Variants in CALN1 observed in about 807,000 individuals in gnomAD.
The protein encoded by CALN1 is calneuron 1, also known as calcium-binding protein 8.
CALN1 carries 17 observed loss-of-function variants against 30.6 expected under a neutral mutation model. The observed-to-expected ratio is 0.56, with a 90% confidence interval of 0.38 to 0.83. The LOEUF (loss-of-function observed/expected upper bound fraction) is 0.83, where lower values mean the gene tolerates loss of function less well. Among genes scored for constraint, CALN1 ranks in the 40% least tolerant of loss-of-function variants. The probability of loss-of-function intolerance (pLI) is 0.00; values close to 1 mark genes in which losing one functional copy is unlikely to be tolerated. For synonymous variants in CALN1, 156 were observed against 131.4 expected (o/e 1.19, Z -1.28); for missense variants, 291 against 354.9 (o/e 0.82, Z 1.45).
intron 1 of CALN1, among the ~76,000 whole-genome samples, chr7:72,442,018 C>T (rs185086632): frequency 2.6e-5 from 4 of 152,230 alleles, no homozygotes; most frequent in African/African-American, 7.2e-5. Context: ...CAGCTGTCCC[C>T]GTCTCAGGCC....
chr7:71,840,485 TAAAAAAAAA>T (rs61579583), intron 5 of CALN1, among the ~76,000 whole-genome samples: 92 of 101,328 alleles, frequency 9.1e-4, no homozygotes, highest in African/African-American at 3.5e-3. Flanking sequence ...ATGCTCTCTT[TAAAAAAAAA>T]AAAAAAAAAA....
At chr7:72,203,292 T>C (rs536717251) in intron 3 of CALN1, among the ~76,000 whole-genome samples, 109 of 152,172 alleles carry the variant, frequency 7.2e-4, no homozygotes, top group African/African-American at 2.5e-3. Flanking sequence ...CCATGGCATA[T>C]GTATACCTAT....
chr7:72,012,794 T>C lies in CALN1; in HGVS notation c.501+10863A>G, dbSNP rs1160280199. On this transcript the variant is annotated intron_variant, in intron 5 of 6. Transcript: ENST00000395275. The stretch of plus-strand genomic sequence containing the variant: ...GCATTAATTTTGATTTTAGGCTTTA[T>C]TTATTTATTGATTGATTTTGAGACA... Among the ~76,000 whole-genome samples, 4 of 152,054 alleles carry C rather than the reference T, an allele frequency of 2.6e-5. No individual in the cohort carries two copies. The East Asian group carries it at 7.7e-4, about 29-fold the overall frequency.
intron 3 of CALN1, among the ~76,000 whole-genome samples, chr7:72,120,000 C>T (rs540541332): frequency 6.6e-6 from 1 of 152,196 alleles, no homozygotes; most frequent in East Asian, 1.9e-4. Flanking sequence ...TGTGCACGTT[C>T]GTTCCATGGG....
chr7:72,093,550 T>C (rs1044830714), intron 4 of CALN1, among the ~76,000 whole-genome samples: 4 of 152,198 alleles, frequency 2.6e-5, no homozygotes, highest in African/African-American at 9.7e-5. Context: ...TGTGGTTTCT[T>C]GGGATACAAT....
chr7:71,784,974 C>T lies in CALN1; in HGVS notation c.*2801G>A, dbSNP rs889986217. ...GCCTGACAAGGAAGGCTTCCCTATA[C>T]CCAAGACAAACTGTCCAAGCAAAGC... On this transcript the variant is annotated 3_prime_UTR_variant, in exon 7 of 7. Transcript: ENST00000395275. 4.7e-4 allele frequency: 186 copies of T among 397,566 alleles called. No homozygotes were observed. The highest frequency in any genetic ancestry group is 4.8e-4 in the Admixed American group (11 of 22,696). 24.6% of individuals were successfully genotyped at this position (397,566 alleles called of 1,614,324 possible).
At chr7:72,154,306 AAACTTG>A (rs748311867) in intron 3 of CALN1, among the ~76,000 whole-genome samples, 297 of 152,102 alleles carry the variant, frequency 2.0e-3, no homozygotes, top group Non-Finnish European at 1.7e-3. Flanking sequence ...TGGCCAAGCC[AAACTTG>A]AACTTGAACT....
At chr7:72,232,965 T>C (rs1794216984) in intron 3 of CALN1, among the ~76,000 whole-genome samples, 1 of 151,870 alleles carries the variant, frequency 6.6e-6, no homozygotes, top group Non-Finnish European at 1.5e-5. Flanking sequence ...TAAATTAGCA[T>C]GTTTAGCATG....
chr7:72,062,842 A>G (rs927931463), intron 4 of CALN1, among the ~76,000 whole-genome samples: 3 of 152,188 alleles, frequency 2.0e-5, no homozygotes, highest in Non-Finnish European at 4.4e-5. Context: ...CTTTCCAAAA[A>G]AGAAATCTTG....
intron 2 of CALN1, among the ~76,000 whole-genome samples, chr7:72,289,820 G>T (rs1798350961): frequency 6.6e-6 from 1 of 151,946 alleles, no homozygotes; most frequent in South Asian, 2.1e-4. Context: ...GCTGAGTGTG[G>T]TGGCTCACAC....
chr7:72,003,236 C>G (rs942854018), intron 5 of CALN1, among the ~76,000 whole-genome samples: 13 of 152,158 alleles, frequency 8.5e-5, no homozygotes, highest in Admixed American at 7.9e-4. Context: ...ATGTTACATT[C>G]ACTCCAAAGA....
chr7:71,917,224 C>T (rs1409609946), intron 5 of CALN1, among the ~76,000 whole-genome samples: 1 of 152,128 alleles, frequency 6.6e-6, no homozygotes, highest in Non-Finnish European at 1.5e-5. Context: ...GGCTGAGGAA[C>T]TTTCAGAAAC....
At chr7:71,824,605 GCC>G (rs1489188379) in intron 5 of CALN1, among the ~76,000 whole-genome samples, 1 of 152,020 alleles carries the variant, frequency 6.6e-6, no homozygotes, top group African/African-American at 2.4e-5. Flanking sequence ...CATCTTTCCT[GCC>G]CAGATTTGTG....
At chr7:72,355,620 AT>A (rs1394685782) in intron 2 of CALN1, among the ~76,000 whole-genome samples, 1 of 152,254 alleles carries the variant, frequency 6.6e-6, no homozygotes, top group African/African-American at 2.4e-5. Flanking sequence ...TTTAAATCTT[AT>A]GCTTCTGAAA....
chr7:71,825,595 G>A (rs549729683), intron 5 of CALN1, among the ~76,000 whole-genome samples: 2 of 152,224 alleles, frequency 1.3e-5, no homozygotes, highest in African/African-American at 2.4e-5. Flanking sequence ...CAGCGGGACC[G>A]AAATGAAAGG....
intron 3 of CALN1, among the ~76,000 whole-genome samples, chr7:72,266,535 T>A (rs988006239): frequency 6.6e-6 from 1 of 152,212 alleles, no homozygotes; most frequent in Non-Finnish European, 1.5e-5. Context: ...TAAGGGGCTG[T>A]CATATTTTTT....
At chr7:72,306,474 C>T (rs947452824) in intron 2 of CALN1, among the ~76,000 whole-genome samples, 4 of 152,002 alleles carry the variant, frequency 2.6e-5, no homozygotes, top group Non-Finnish European at 4.4e-5. Flanking sequence ...GGTCTTTAGA[C>T]AAACTCAACC....
At chr7:72,499,813 C>T in the CALN1 span, among the ~76,000 whole-genome samples, 1 of 60,820 alleles carries the variant, frequency 1.6e-5, no homozygotes. Context: ...TTCCTTCCTT[C>T]CTTCCTTCCT....
At chr7:72,367,768 C>A (rs1360793263) in intron 2 of CALN1, among the ~76,000 whole-genome samples, 2 of 152,084 alleles carry the variant, frequency 1.3e-5, no homozygotes, top group African/African-American at 4.8e-5. Flanking sequence ...CCACGAGTTC[C>A]AGGCTGGAAG....
Sources: gnomAD v4.1 joint callset for allele counts (sites outside exome capture counted in the v4.1 genomes callset) on GRCh38, gnomAD v4.1.1 for gene constraint, MANE v1.5 for transcripts, NCBI Gene and HGNC (gene_info 2026-07-23, HGNC 2026-07-21) for gene names.